The following RBFOX1 variants were observed in gnomAD, a reference collection of about 807,000 sequenced individuals.
RBFOX1 encodes RNA binding protein fox-1 homolog 1.
A neutral mutation model predicts 57.7 loss-of-function variants in RBFOX1; 8 were observed. That is an observed-to-expected ratio of 0.14 (90% CI 0.08 to 0.25). RBFOX1 has a LOEUF of 0.25. Among genes scored for constraint, RBFOX1 ranks in the 10% least tolerant of loss-of-function variants. The pLI is 1.00. For missense variants in RBFOX1, 611 were observed against 548.5 expected (o/e 1.11, Z -1.14); for synonymous variants, 326 against 222.4 (o/e 1.47, Z -4.15).
intron 2 of RBFOX1, among the ~76,000 whole-genome samples, chr16:6,646,845 G>A (rs1260823670): frequency 6.6e-6 from 1 of 152,112 alleles, no homozygotes; most frequent in African/African-American, 2.4e-5. Flanking sequence ...TCCTGACTCA[G>A]TGTCCGAAGT....
intron 4 of RBFOX1, among the ~76,000 whole-genome samples, chr16:7,063,685 G>T (rs999240749): frequency 1.3e-5 from 2 of 151,844 alleles, no homozygotes; most frequent in Non-Finnish European, 2.9e-5. Context: ...AACCAACTGT[G>T]CTTCAAATAT....
At chr16:6,404,735 T>A (rs2093212702) in intron 2 of RBFOX1, among the ~76,000 whole-genome samples, 1 of 152,284 alleles carries the variant, frequency 6.6e-6, no homozygotes, top group African/African-American at 2.4e-5. Context: ...TTTCCTGAGC[T>A]GAAGATCTCA....
chr16:7,412,446 T>G (rs1055660455), intron 4 of RBFOX1, among the ~76,000 whole-genome samples: 1 of 147,734 alleles, frequency 6.8e-6, no homozygotes, highest in African/African-American at 2.5e-5. Flanking sequence ...ATAGGGGAAA[T>G]TGTGGAGTAC....
chr16:5,956,868 G>A (rs895911402), intron 4 of RBFOX1, among the ~76,000 whole-genome samples: 21 of 147,340 alleles, frequency 1.4e-4, no homozygotes, highest in East Asian at 4.0e-4. Flanking sequence ...ATGGGGTTTC[G>A]CCATTTTGGC....
intron 1 of RBFOX1, among the ~76,000 whole-genome samples, chr16:5,462,955 G>C (rs2068838439): frequency 6.6e-6 from 1 of 152,154 alleles, no homozygotes; most frequent in Admixed American, 6.5e-5. Flanking sequence ...GATTTGTCTG[G>C]GAAAGGTGTT....
chr16:6,374,549 T>C (rs933451469), intron 2 of RBFOX1, among the ~76,000 whole-genome samples: 1 of 152,196 alleles, frequency 6.6e-6, no homozygotes, highest in African/African-American at 2.4e-5. Context: ...ATTTTCGTAA[T>C]TGAACCTTAG....
chr16:7,401,009 G>C (rs2098233201), intron 4 of RBFOX1, among the ~76,000 whole-genome samples: 1 of 152,184 alleles, frequency 6.6e-6, no homozygotes. Flanking sequence ...GGAATGTGAA[G>C]GGACAGAAGT....
chr16:7,496,895 G>T (rs747155228), intron 4 of RBFOX1, among the ~76,000 whole-genome samples: 19 of 152,028 alleles, frequency 1.2e-4, no homozygotes, highest in Middle Eastern at 3.2e-3. Flanking sequence ...AAAAAATTAG[G>T]ATTAGAGTCA....
chr16:7,058,102 A>G (rs543687315), intron 4 of RBFOX1, among the ~76,000 whole-genome samples: 20 of 152,066 alleles, frequency 1.3e-4, no homozygotes, highest in African/African-American at 4.8e-4. Flanking sequence ...TGGAAAATAC[A>G]TGTGCTACCA....
In RBFOX1 at chr16:6,109,249, C is replaced by T. The variant is rs113152989; in HGVS notation, c.-127+89257C>T. Reference sequence around the variant, plus strand: ...CTTATTTTACAAAGAAAAATGCCTGCAGTGAAAAGCATTTCTTGATCATCT... The same window carrying T: ...CTTATTTTACAAAGAAAAATGCCTGTAGTGAAAAGCATTTCTTGATCATCT... On this transcript the variant is annotated intron_variant, in intron 1 of 15. Transcript: ENST00000550418. Among the ~76,000 whole-genome samples, 143 of 152,228 alleles carry T rather than the reference C, an allele frequency of 9.4e-4. No homozygotes were observed. In the Middle Eastern group the frequency reaches 0.024, roughly 25 times the overall value.
intron 3 of RBFOX1, among the ~76,000 whole-genome samples, chr16:6,764,676 C>A (rs1341804792): frequency 6.6e-6 from 1 of 152,178 alleles, no homozygotes; most frequent in South Asian, 2.1e-4. Context: ...GTGGCTCACG[C>A]CTGTAATCCC....
chr16:7,410,242 T>C (rs974197001), intron 4 of RBFOX1, among the ~76,000 whole-genome samples: 7 of 152,232 alleles, frequency 4.6e-5, no homozygotes, highest in African/African-American at 1.7e-4. Context: ...GCACTGCATA[T>C]GTGTTGGCTC....
At chr16:6,430,429 A>C (rs553825958) in intron 2 of RBFOX1, among the ~76,000 whole-genome samples, 4 of 152,344 alleles carry the variant, frequency 2.6e-5, no homozygotes, top group African/African-American at 7.2e-5. Flanking sequence ...GGGATTCTTC[A>C]TGGAAAAGAT....
chr16:7,136,089 C>T (rs991511464), intron 4 of RBFOX1, among the ~76,000 whole-genome samples: 3 of 152,160 alleles, frequency 2.0e-5, no homozygotes, highest in African/African-American at 7.2e-5. Flanking sequence ...GACTAAACAC[C>T]TTGCAGGCAA....
chr16:6,811,819 G>T (rs1012495008), intron 3 of RBFOX1, among the ~76,000 whole-genome samples: 4 of 152,162 alleles, frequency 2.6e-5, no homozygotes, highest in African/African-American at 9.7e-5. Context: ...AACCTGGGAG[G>T]CAGAGGTTAC....
intron 2 of RBFOX1, among the ~76,000 whole-genome samples, chr16:6,493,426 T>A (rs995266155): frequency 2.0e-5 from 3 of 152,170 alleles, no homozygotes; most frequent in African/African-American, 7.2e-5. Flanking sequence ...ATCATGATCC[T>A]TATCCTCCCA....
intron 2 of RBFOX1, among the ~76,000 whole-genome samples, chr16:5,477,753 T>C (rs1222013796): frequency 6.6e-6 from 1 of 152,194 alleles, no homozygotes; most frequent in Non-Finnish European, 1.5e-5. Flanking sequence ...ATGGGTGCTT[T>C]ATAGCTTTCT....
At chr16:6,228,790 G>A (rs561952389) in intron 1 of RBFOX1, among the ~76,000 whole-genome samples, 85 of 152,226 alleles carry the variant, frequency 5.6e-4, no homozygotes, top group Middle Eastern at 3.4e-3. Context: ...AAATCACCGA[G>A]TAGATTTTAA....
intron 3 of RBFOX1, among the ~76,000 whole-genome samples, chr16:5,846,315 C>T (rs572562643): frequency 6.6e-6 from 1 of 151,886 alleles, no homozygotes; most frequent in South Asian, 2.1e-4. Flanking sequence ...GAAGAGGGCA[C>T]CCCCCTCTTA....
Sources: gnomAD v4.1 joint callset for allele counts (sites outside exome capture counted in the v4.1 genomes callset) on GRCh38, gnomAD v4.1.1 for gene constraint, MANE v1.5 for transcripts, NCBI Gene and HGNC (gene_info 2026-07-23, HGNC 2026-07-21) for gene names.